The following METTL15 variants were observed in gnomAD, a reference collection of about 807,000 sequenced individuals.
The protein encoded by METTL15 is 12S rRNA N(4)-cytidine methyltransferase METTL15.
In METTL15, 34 loss-of-function variants were observed where a neutral mutation model predicts 38.3. That is an observed-to-expected ratio of 0.89 (90% CI 0.68 to 1.18). The LOEUF (loss-of-function observed/expected upper bound fraction) is 1.18, where lower values mean the gene tolerates loss of function less well. Ranked by LOEUF, METTL15 falls within the 50% of genes most tolerant of loss-of-function variation. The pLI is 0.00. For synonymous variants in METTL15, 162 were observed against 170.9 expected, an observed-to-expected ratio of 0.95 and a Z score of 0.41; for missense variants, 438 against 498.4, an observed-to-expected ratio of 0.88 and a Z score of 1.15.
intron 5 of METTL15, among the ~76,000 whole-genome samples, chr11:28,404,401 A>G (rs1206802885): frequency 6.6e-6 from 1 of 152,100 alleles, no homozygotes; most frequent in Non-Finnish European, 1.5e-5. Context: ...TCCAAGATCT[A>G]GGATCCAGCA....
chr11:28,345,426 G>T (rs557308462), intron 3 of METTL15, among the ~76,000 whole-genome samples: 1 of 152,282 alleles, frequency 6.6e-6, no homozygotes, highest in African/African-American at 2.4e-5. Flanking sequence ...CTGACCTCAG[G>T]TGATCCACCC....
At chr11:28,508,525 C>T (rs529121821) in intron 6 of METTL15, among the ~76,000 whole-genome samples, 1 of 152,226 alleles carries the variant, frequency 6.6e-6, no homozygotes, top group African/African-American at 2.4e-5. Context: ...ATTTTGTGCC[C>T]CATTGATAGT....
intron 3 of METTL15, among the ~76,000 whole-genome samples, chr11:28,161,661 G>C (rs993605816): frequency 1.5e-4 from 23 of 152,000 alleles, no homozygotes; most frequent in African/African-American, 5.1e-4. Flanking sequence ...TAATTGTCTA[G>C]GTTGTCGTAA....
chr11:28,167,581 G>T (rs1306748058), intron 3 of METTL15, among the ~76,000 whole-genome samples: 3 of 151,830 alleles, frequency 2.0e-5, no homozygotes, highest in Admixed American at 6.6e-5. Context: ...ATCTAATTAT[G>T]TAAGTATAAG....
At chr11:28,324,709 A>G (rs569030157) in intron 6 of METTL15, among the ~76,000 whole-genome samples, 79 of 152,290 alleles carry the variant, frequency 5.2e-4, no homozygotes, top group Middle Eastern at 3.4e-3. Flanking sequence ...TAAAATTGTG[A>G]TGCTGCTCAT....
intron 4 of METTL15, among the ~76,000 whole-genome samples, chr11:28,353,864 G>T (rs1332851536): frequency 1.3e-5 from 2 of 150,000 alleles, no homozygotes; most frequent in Admixed American, 6.6e-5. Context: ...AGCGGAGCTT[G>T]CAGTGAGCCG....
chr11:28,221,353 C>A (rs537773242), intron 4 of METTL15, among the ~76,000 whole-genome samples: 2 of 152,176 alleles, frequency 1.3e-5, no homozygotes, highest in African/African-American at 4.8e-5. Flanking sequence ...TTGATCGAAT[C>A]GGCTACTGAA....
At chr11:28,148,673 A>C (rs1175354407) in intron 3 of METTL15, among the ~76,000 whole-genome samples, 1 of 151,872 alleles carries the variant, frequency 6.6e-6, no homozygotes, top group Non-Finnish European at 1.5e-5. Flanking sequence ...TCTATTTACC[A>C]ATTTCCCCGA....
chr11:28,531,038 G>A (rs939629548), downstream of METTL15, among the ~76,000 whole-genome samples: 12 of 151,502 alleles, frequency 7.9e-5, no homozygotes, highest in Non-Finnish European at 1.5e-4. Flanking sequence ...ATACTAAATG[G>A]CAAATTCACA....
chr11:28,378,579 G>T (rs368232878), intron 5 of METTL15, among the ~76,000 whole-genome samples: 12 of 152,200 alleles, frequency 7.9e-5, no homozygotes, highest in Admixed American at 1.3e-4. Flanking sequence ...GAGATGAACC[G>T]GGTACCTCAG....
At chr11:28,219,788 A>G (rs1197042142) in intron 4 of METTL15, among the ~76,000 whole-genome samples, 12 of 152,104 alleles carry the variant, frequency 7.9e-5, no homozygotes, top group Non-Finnish European at 1.2e-4. Context: ...TTCAAAGAAC[A>G]TCTTTATTTC....
intron 4 of METTL15, among the ~76,000 whole-genome samples, chr11:28,236,447 T>A (rs1210234406): frequency 6.6e-6 from 1 of 152,168 alleles, no homozygotes; most frequent in Admixed American, 6.5e-5. Context: ...TGGACTCTTT[T>A]TGGTTGGTAA....
At chr11:28,406,736 T>A (rs1479533110) in intron 5 of METTL15, among the ~76,000 whole-genome samples, 1 of 152,074 alleles carries the variant, frequency 6.6e-6, no homozygotes, top group Non-Finnish European at 1.5e-5. Context: ...ATAGGAGTGG[T>A]GAGAGAGGGC....
intron 3 of METTL15, among the ~76,000 whole-genome samples, chr11:28,342,338 A>C (rs1232694751): frequency 1.3e-5 from 2 of 151,712 alleles, no homozygotes; most frequent in African/African-American, 4.8e-5. Flanking sequence ...ATCATGGCTC[A>C]CTCAGCCTTA....
intron 3 of METTL15, among the ~76,000 whole-genome samples, chr11:28,155,775 T>C (rs1226275219): frequency 6.6e-6 from 1 of 152,224 alleles, no homozygotes; most frequent in Non-Finnish European, 1.5e-5. Context: ...ACTGTATTAA[T>C]GAGATTATGT....
chr11:28,355,955 T>C (rs1365853682), intron 4 of METTL15, among the ~76,000 whole-genome samples: 1 of 152,206 alleles, frequency 6.6e-6, no homozygotes, highest in East Asian at 1.9e-4. Context: ...ACTTTAGCTG[T>C]CTTGCTCTTG....
At chr11:28,495,982 G>C (rs1851532624) in intron 6 of METTL15, among the ~76,000 whole-genome samples, 1 of 152,058 alleles carries the variant, frequency 6.6e-6, no homozygotes, top group Non-Finnish European at 1.5e-5. Context: ...AATGCATGGG[G>C]GTCCGTTTCA....
chr11:28,112,746 C>T (rs957569958), intron 2 of METTL15, among the ~76,000 whole-genome samples: 3 of 152,056 alleles, frequency 2.0e-5, no homozygotes, highest in Non-Finnish European at 2.9e-5. Flanking sequence ...GAGATGATCT[C>T]GTCAGAGAAT....
chr11:28,301,720 T>C (rs935862579), intron 6 of METTL15, among the ~76,000 whole-genome samples: 1 of 152,150 alleles, frequency 6.6e-6, no homozygotes, highest in Non-Finnish European at 1.5e-5. Flanking sequence ...GCTTTTTAAA[T>C]GTGGCTATAG....
Sources: gnomAD v4.1 joint callset for allele counts (sites outside exome capture counted in the v4.1 genomes callset) on GRCh38, gnomAD v4.1.1 for gene constraint, MANE v1.5 for transcripts, NCBI Gene and HGNC (gene_info 2026-07-23, HGNC 2026-07-21) for gene names.